Variants in FBXL7 observed in about 807,000 individuals in gnomAD.
The protein encoded by FBXL7 is F-box and leucine rich repeat protein 7, also known as F-box/LRR-repeat protein 7.
In FBXL7, 12 loss-of-function variants were observed where a neutral mutation model predicts 38.3. The ratio of observed to expected loss-of-function variants is 0.31; its 90% CI spans 0.20 to 0.51. FBXL7 has a LOEUF of 0.51. Among genes scored for constraint, FBXL7 ranks in the 20% least tolerant of loss-of-function variants. The pLI is 0.98. For synonymous variants in FBXL7, 297 were observed against 300.9 expected (o/e 0.99, Z 0.13); for missense variants, 567 against 676.4 (o/e 0.84, Z 1.79).
chr5:15,881,875 A>G (rs1740467007), intron 2 of FBXL7, among the ~76,000 whole-genome samples: 1 of 152,204 alleles, frequency 6.6e-6, no homozygotes, highest in African/African-American at 2.4e-5. Flanking sequence ...TTTATAAAGA[A>G]AAGAGGTCTA....
At chr5:15,571,818 G>A (rs937702928) in intron 1 of FBXL7, among the ~76,000 whole-genome samples, 4 of 151,976 alleles carry the variant, frequency 2.6e-5, no homozygotes, top group African/African-American at 7.2e-5. Context: ...CCGTGCCGTC[G>A]CAGATGCCAG....
At chr5:15,755,810 T>A (rs1171587781) in intron 2 of FBXL7, among the ~76,000 whole-genome samples, 1 of 152,190 alleles carries the variant, frequency 6.6e-6, no homozygotes, top group African/African-American at 2.4e-5. Context: ...CCAATCAGAA[T>A]GCTGTAAAAT....
intron 1 of FBXL7, among the ~76,000 whole-genome samples, chr5:15,611,854 G>A (rs1049590390): frequency 6.6e-6 from 1 of 151,550 alleles, no homozygotes; most frequent in Admixed American, 6.6e-5. Flanking sequence ...ATGGTGGTGT[G>A]CCTGTAGTTC....
rs540493973 is a variant in FBXL7 at position 15,591,577 on chromosome 5, G to A, written c.38-24406G>A. The stretch of plus-strand genomic sequence containing the variant: ...AATGGAAGGCCTAGGACCAAAGCCC[G>A]AGTCGAGAAGTGGCAGCTTCCATTT... On this transcript the variant is annotated intron_variant, in intron 1 of 3. Transcript: ENST00000504595. Among the ~76,000 whole-genome samples, 38 of 152,248 alleles carry A rather than the reference G, an allele frequency of 2.5e-4. 1 individual carries two copies. The highest frequency in any genetic ancestry group is 2.9e-4 in the African/African-American group (12 of 41,530).
chr5:15,638,706 C>G (rs1232729640), intron 2 of FBXL7, among the ~76,000 whole-genome samples: 1 of 152,044 alleles, frequency 6.6e-6, no homozygotes, highest in Admixed American at 6.6e-5. Flanking sequence ...CTAGTGCAAG[C>G]TTAGTAAGCA....
At chr5:15,807,873 T>G (rs1457300999) in intron 2 of FBXL7, among the ~76,000 whole-genome samples, 1 of 152,018 alleles carries the variant, frequency 6.6e-6, no homozygotes, top group Admixed American at 6.6e-5. Flanking sequence ...AACACCTGAG[T>G]CTGAACAAAT....
chr5:15,820,418 G>C (rs257749), intron 2 of FBXL7, among the ~76,000 whole-genome samples: 85,556 of 151,754 alleles, frequency 0.56, 24,701 homozygotes, highest in Non-Finnish European at 0.64. Context: ...GTCTTACCCC[G>C]CCTTTCACTG....
chr5:15,817,766 C>T (rs1368176379), intron 2 of FBXL7, among the ~76,000 whole-genome samples: 2 of 152,192 alleles, frequency 1.3e-5, no homozygotes, highest in Non-Finnish European at 2.9e-5. Flanking sequence ...TGTGAGGCCT[C>T]CCCAGCCATG....
chr5:15,525,087 C>T (rs1737213511), intron 1 of FBXL7, among the ~76,000 whole-genome samples: 1 of 152,212 alleles, frequency 6.6e-6, no homozygotes, highest in African/African-American at 2.4e-5. Flanking sequence ...AGTAACCTCC[C>T]TTTGCCTCAG....
intron 1 of FBXL7, among the ~76,000 whole-genome samples, chr5:15,533,581 G>A (rs150327201): frequency 2.6e-5 from 4 of 152,188 alleles, no homozygotes; most frequent in African/African-American, 9.6e-5. Flanking sequence ...CAAATAAGGG[G>A]AACAAAAATC....
rs1317625442 is a variant in FBXL7, at chr5:15,814,287, T to C, written c.128-113603T>C. 1.4e-4 allele frequency among the ~76,000 whole-genome samples: 21 copies of C among 152,240 alleles called. No individual in the cohort carries two copies. In the East Asian group the frequency reaches 4.1e-3, roughly 29 times the overall value. On this transcript the variant is annotated intron_variant, in intron 2 of 3. Coordinates refer to ENST00000504595, the MANE Select transcript of FBXL7 (RefSeq NM_012304.5). ...TTCGTGTCCTTCGCAGGGACATGGA[T>C]GAAGCTGGCAACCATCATTCTCGGC...
At chr5:15,840,761 C>T (rs962661279) in intron 2 of FBXL7, among the ~76,000 whole-genome samples, 11 of 149,008 alleles carry the variant, frequency 7.4e-5, no homozygotes, top group Non-Finnish European at 1.5e-4. Context: ...GCAGGAGAAT[C>T]GCTTGAACCC....
chr5:15,897,877 C>T (rs1741142082), intron 2 of FBXL7, among the ~76,000 whole-genome samples: 1 of 152,158 alleles, frequency 6.6e-6, no homozygotes, highest in Non-Finnish European at 1.5e-5. Flanking sequence ...TGGGAATGGA[C>T]TAGAGTTGGA....
intron 2 of FBXL7, among the ~76,000 whole-genome samples, chr5:15,639,159 A>G (rs551578440): frequency 6.6e-6 from 1 of 152,292 alleles, no homozygotes; most frequent in South Asian, 2.1e-4. Context: ...TAGGTTCCCA[A>G]ATTGCATAGT....
At position 15,853,425 on chromosome 5, in the gene FBXL7, C is replaced by T. The variant is rs533230297; in HGVS notation, c.128-74465C>T. 3.9e-5 allele frequency among the ~76,000 whole-genome samples: 6 copies of T among 152,222 alleles called. No homozygotes were observed. The South Asian group carries it at 1.2e-3, about 32-fold the overall frequency. On this transcript the variant is annotated intron_variant, in intron 2 of 3. Transcript: ENST00000504595. ...TCTGAGGAGCCTACCACGGAGAAGGCATGGCTGGGTAGAGACCTCGAGTTG... is the reference window on the plus strand; with the variant it reads ...TCTGAGGAGCCTACCACGGAGAAGGTATGGCTGGGTAGAGACCTCGAGTTG...
At chr5:15,655,841 AAC>A (rs1483277146) in intron 2 of FBXL7, among the ~76,000 whole-genome samples, 4 of 152,150 alleles carry the variant, frequency 2.6e-5, no homozygotes, top group African/African-American at 9.7e-5. Flanking sequence ...CCTCAACTCA[AAC>A]CCTGGCCATT....
chr5:15,902,982 C>G (rs984248872), intron 2 of FBXL7, among the ~76,000 whole-genome samples: 12 of 152,204 alleles, frequency 7.9e-5, no homozygotes, highest in African/African-American at 2.9e-4. Context: ...GGCTCCAGAG[C>G]TCTTCTGCAA....
chr5:15,916,507 A>G (rs1204907348), intron 2 of FBXL7, among the ~76,000 whole-genome samples: 1 of 152,180 alleles, frequency 6.6e-6, no homozygotes, highest in Non-Finnish European at 1.5e-5. Context: ...ACCCTTGGGG[A>G]ACATCAGTGT....
intron 2 of FBXL7, among the ~76,000 whole-genome samples, chr5:15,830,224 C>T (rs1489994345): frequency 6.6e-6 from 1 of 152,080 alleles, no homozygotes; most frequent in Non-Finnish European, 1.5e-5. Flanking sequence ...TGGCTCACAC[C>T]TGTAACCCCA....
Sources: gnomAD v4.1 joint callset for allele counts (sites outside exome capture counted in the v4.1 genomes callset) on GRCh38, gnomAD v4.1.1 for gene constraint, MANE v1.5 for transcripts, NCBI Gene and HGNC (gene_info 2026-07-23, HGNC 2026-07-21) for gene names.